DNAH9: variants seen among roughly 807,000 people sequenced by gnomAD.
DNAH9 encodes the protein DNAH9 variant protein.
Under a neutral mutation model 471.6 loss-of-function variants are expected in DNAH9, and 345 were observed. The observed-to-expected ratio is 0.73, with a 90% confidence interval of 0.67 to 0.80. The LOEUF (loss-of-function observed/expected upper bound fraction) is 0.80. DNAH9 is among the 30% of genes least tolerant of loss of function. DNAH9 has a pLI of 0.00. For missense variants in DNAH9, 5,407 were observed against 5,609.2 expected (o/e 0.96, Z 1.15); for synonymous variants, 2,093 against 2,123.6 (o/e 0.99, Z 0.40).
At chr17:11,712,149 A>G (rs1280486291) in intron 26 of DNAH9, among the ~76,000 whole-genome samples, 3 of 131,182 alleles carry the variant, frequency 2.3e-5, no homozygotes, top group South Asian at 2.3e-4. Flanking sequence ...TAAATTTATT[A>G]ATATTATTAT....
chr17:11,911,269 T>G (rs923977426), intron 61 of DNAH9, among the ~76,000 whole-genome samples: 18 of 152,216 alleles, frequency 1.2e-4, no homozygotes, highest in African/African-American at 4.1e-4. Context: ...CAATTGTCCC[T>G]GCTCCATTTG....
chr17:11,737,719 T>C (rs1649108878), intron 28 of DNAH9, among the ~76,000 whole-genome samples: 1 of 152,184 alleles, frequency 6.6e-6, no homozygotes, highest in Non-Finnish European at 1.5e-5. Flanking sequence ...GGATAAATCC[T>C]CCTCTGACTC....
At chr17:11,704,582 CT>C (rs34814778) in intron 25 of DNAH9, 140 bp downstream of exon 25, 96,417 of 515,416 alleles carry the variant, frequency 0.19, 91 homozygotes, top group South Asian at 0.22. Flanking sequence ...GCTGCTCCTA[CT>C]TTTTTTTTTT....
rs773842478 is a variant in DNAH9, at chr17:11,805,523, C to CTTTTTTTTTTTTTTTTTTTTTTTTT, written c.8421-2191_8421-2167dup. On this transcript the variant is annotated intron_variant, in intron 43 of 68. Transcript: ENST00000262442. ...TATTTGGCCAAACTTTACCCGAGTT[C>CTTTTTTTTTTTTTTTTTTTTTTTTT]TTTTTTTTTTTTTTTTTTTTTTTTT... 3.8e-5 allele frequency among the ~76,000 whole-genome samples: 2 copies of CTTTTTTTTTTTTTTTTTTTTTTTTT among 52,070 alleles called. 1 individual carries two copies. Among genetic ancestry groups the CTTTTTTTTTTTTTTTTTTTTTTTTT allele is most frequent in the Non-Finnish European group, 6.8e-5 (2 of 29,338 alleles). 34.2% of individuals were successfully genotyped at this position (52,070 alleles called of 152,430 possible). A position where few individuals can be genotyped will look rare whatever the true frequency, so the allele number is the denominator to read the frequency against.
chr17:11,622,748 T>C (rs1456219150), intron 6 of DNAH9, among the ~76,000 whole-genome samples: 1 of 152,164 alleles, frequency 6.6e-6, no homozygotes, highest in Non-Finnish European at 1.5e-5. Flanking sequence ...CTAGCGTCAT[T>C]ACTCTCACAA....
In DNAH9 at chr17:11,686,714, T is replaced by C. The variant is rs554357084; in HGVS notation, c.3744-2852T>C. On this transcript the variant is annotated intron_variant, in intron 19 of 68. Coordinates refer to ENST00000262442, the MANE Select transcript of DNAH9 (RefSeq NM_001372.4). Reference sequence around the variant, plus strand: ...TTGATAAACATTCACCTCTTATAAATACTTGAGGAACCAACATCGATTTAA... The same window carrying C: ...TTGATAAACATTCACCTCTTATAAACACTTGAGGAACCAACATCGATTTAA... 2.0e-5 allele frequency among the ~76,000 whole-genome samples: 3 copies of C among 152,288 alleles called. No homozygotes were observed. The South Asian group carries it at 6.2e-4, about 32-fold the overall frequency.
At chr17:11,723,729 A>G (rs1430002114) in intron 27 of DNAH9, among the ~76,000 whole-genome samples, 13 of 151,598 alleles carry the variant, frequency 8.6e-5, no homozygotes, top group Admixed American at 5.3e-4. Flanking sequence ...GTGCAGTGGC[A>G]CGATCTCAGC....
Position 11,747,664 on chromosome 17 carries a change from A to G in DNAH9, c.6508A>G (p.Ile2170Val). The G allele has an allele frequency of 2.5e-6, 4 of 1,614,194 alleles. No homozygotes were observed. The highest frequency in any genetic ancestry group is 3.4e-6 in the Non-Finnish European group (4 of 1,180,046). ...GAGGTCCTTGCACAAGACCTATCAG[A>G]TCATGAAACGGCGCCCCGTCTGGAC... ...VLRSLHKTYQ[I>V]MKRRPVWTDL... The change falls in exon 32 of 69, where the codon ATC becomes GTC. Residue 2170 changes from isoleucine (I) to valine (V), a missense_variant. Transcript: ENST00000262442.
rs139315453 is a variant in DNAH9, at chr17:11,623,222, G to C, written c.1350+3441G>C. Among the ~76,000 whole-genome samples the C allele has an allele frequency of 0.012, 1,867 of 152,014 alleles. 15 individuals carry two copies. The highest frequency in any genetic ancestry group is 0.019 in the Non-Finnish European group (1,306 of 67,956). On this transcript the variant is annotated intron_variant, in intron 6 of 68. Coordinates refer to ENST00000262442, the MANE Select transcript of DNAH9 (RefSeq NM_001372.4). This position sits in a 1 kb window ranked among gnomAD's most constrained non-coding sequence, Gnocchi z 4.1. ...CTCCCAACCTCAGGAGATCCACCCA[G>C]CTTGGCCTCCCAAAGTGCTGGGATT...
At chr17:11,877,687 T>C (rs900227944) in intron 53 of DNAH9, among the ~76,000 whole-genome samples, 18 of 152,048 alleles carry the variant, frequency 1.2e-4, no homozygotes, top group Non-Finnish European at 2.5e-4. Context: ...AAATAATAGT[T>C]AACCAAGTCA....
chr17:11,766,738 G>A (rs1489048449), intron 36 of DNAH9, among the ~76,000 whole-genome samples: 1 of 152,172 alleles, frequency 6.6e-6, no homozygotes, highest in Non-Finnish European at 1.5e-5. Flanking sequence ...GCCAAGGCGG[G>A]TGGATCATGA....
At chr17:11,761,278 G>A (rs1967654392) in intron 35 of DNAH9, among the ~76,000 whole-genome samples, 1 of 152,170 alleles carries the variant, frequency 6.6e-6, no homozygotes, top group Non-Finnish European at 1.5e-5. Context: ...ACCTGCCTCA[G>A]CTCAGGACTG....
intron 52 of DNAH9, 145 bp downstream of exon 52, chr17:11,871,931 C>G: frequency 1.2e-6 from 1 of 853,128 alleles, no homozygotes; most frequent in Non-Finnish European, 1.8e-6. Context: ...ACCTGCGTAC[C>G]CGTGTCCTTC....
chr17:11,681,943 G>A (rs1331599277), intron 19 of DNAH9, among the ~76,000 whole-genome samples: 3 of 152,170 alleles, frequency 2.0e-5, no homozygotes, highest in Non-Finnish European at 2.9e-5. Context: ...TCTATAAAAT[G>A]TAGATGATAG....
At chr17:11,633,380 C>G (rs938782704) in intron 8 of DNAH9, among the ~76,000 whole-genome samples, 9 of 152,134 alleles carry the variant, frequency 5.9e-5, no homozygotes, top group Non-Finnish European at 1.3e-4. Context: ...TCTGTCAAAG[C>G]TGTTTAAGAT....
At position 11,930,105 on chromosome 17, in the gene DNAH9, G is replaced by C; in HGVS notation, c.12105+12G>C. On this transcript the variant is annotated intron_variant, in intron 63 of 68. Coordinates refer to ENST00000262442, the MANE Select transcript of DNAH9 (RefSeq NM_001372.4). ...ACAACTTCACTCAGGTACGGCCCCG[G>C]GAGGGAGGCAAAAACAGCAGCACAC... The C allele has an allele frequency of 6.2e-7, 1 of 1,608,446 alleles. No homozygotes were observed. Among genetic ancestry groups the C allele is most frequent in the Non-Finnish European group, 8.5e-7 (1 of 1,176,472 alleles).
At chr17:11,607,745 T>G (rs1379059336) in intron 1 of DNAH9, among the ~76,000 whole-genome samples, 1 of 152,014 alleles carries the variant, frequency 6.6e-6, no homozygotes, top group Non-Finnish European at 1.5e-5. Context: ...AATTTTTGTA[T>G]TTTTAGTAGA....
chr17:11,731,849 G>T (rs62061839), intron 28 of DNAH9, among the ~76,000 whole-genome samples: 6 of 151,950 alleles, frequency 3.9e-5, no homozygotes, highest in African/African-American at 7.3e-5. Context: ...GAATAGTGCC[G>T]CAATAAACAT....
chr17:11,601,879 C>T (rs967664919), intron 1 of DNAH9, among the ~76,000 whole-genome samples: 2 of 152,118 alleles, frequency 1.3e-5, no homozygotes, highest in African/African-American at 2.4e-5. Context: ...TGTGTGTGGG[C>T]GGGGCGGTTT....
Sources: gnomAD v4.1 joint callset for allele counts (sites outside exome capture counted in the v4.1 genomes callset) on GRCh38, gnomAD v4.1.1 for gene constraint, Gnocchi (gnomAD v3.1) non-coding constraint, MANE v1.5 for transcripts, NCBI Gene and HGNC (gene_info 2026-07-23, HGNC 2026-07-21) for gene names.